The following MEMO1 variants were observed in gnomAD, a reference collection of about 807,000 sequenced individuals.
The protein encoded by MEMO1 is protein MEMO1.
MEMO1 carries 6 observed loss-of-function variants against 45.2 expected under a neutral mutation model. That is an observed-to-expected ratio of 0.13 (90% CI 0.07 to 0.26). MEMO1 has a LOEUF of 0.26. MEMO1 is among the 10% of genes least tolerant of loss of function. MEMO1 has a pLI of 1.00. For missense variants in MEMO1, 184 were observed against 370.5 expected (o/e 0.50, Z 4.13); for synonymous variants, 78 against 124.3 (o/e 0.63, Z 2.48).
intron 6 of MEMO1, among the ~76,000 whole-genome samples, chr2:31,893,054 T>TA (rs1244637502): frequency 9.2e-5 from 14 of 152,256 alleles, no homozygotes; most frequent in East Asian, 5.8e-4. Context: ...AGGACCTTTT[T>TA]AAAAAAATCA....
chr2:31,959,039 G>A (rs1337054789), intron 2 of MEMO1, among the ~76,000 whole-genome samples: 1 of 152,148 alleles, frequency 6.6e-6, no homozygotes, highest in Non-Finnish European at 1.5e-5. Context: ...ATTAAAATGG[G>A]CCTAGATGAA....
At chr2:31,875,970 AGCCACC>A (rs1421809418) in intron 8 of MEMO1, among the ~76,000 whole-genome samples, 2 of 152,122 alleles carry the variant, frequency 1.3e-5, no homozygotes, top group Non-Finnish European at 2.9e-5. Context: ...TACAGGCATG[AGCCACC>A]GCCCCCAGCC....
chr2:31,869,836 A>G lies in MEMO1; in HGVS notation c.762+12T>C, dbSNP rs147848308. On this transcript the variant is annotated intron_variant, in intron 9 of 9. Coordinates refer to ENST00000404530, the MANE Select transcript of MEMO1 (RefSeq NM_001301833.4). Reference sequence around the variant, plus strand: ...CAAATGTTAAAAGTCAAGGCTTCCTAAGGATACTCACATTTAATAACACCC... The same window carrying G: ...CAAATGTTAAAAGTCAAGGCTTCCTGAGGATACTCACATTTAATAACACCC... 184 of 1,569,242 alleles carry G rather than the reference A, an allele frequency of 1.2e-4. 3 individuals carry two copies. The East Asian group carries it at 3.5e-3, about 30-fold the overall frequency.
intron 2 of MEMO1, among the ~76,000 whole-genome samples, chr2:31,994,530 T>C (rs1043154181): frequency 6.6e-6 from 1 of 151,538 alleles, no homozygotes; most frequent in Non-Finnish European, 1.5e-5. Flanking sequence ...CTCAGGAGGC[T>C]GAGGCACAAG....
chr2:31,871,026 ATTAGT>A (rs746050077), intron 8 of MEMO1, among the ~76,000 whole-genome samples: 55 of 152,250 alleles, frequency 3.6e-4, no homozygotes, highest in Non-Finnish European at 7.1e-4. Context: ...TGACTTGAAC[ATTAGT>A]TTACACTAAA....
chr2:31,975,169 T>C (rs748951413), intron 2 of MEMO1, among the ~76,000 whole-genome samples: 29 of 152,040 alleles, frequency 1.9e-4, no homozygotes, highest in Non-Finnish European at 3.5e-4. Context: ...CAAAACTCCA[T>C]CTCAAAAAAA....
At chr2:31,980,671 C>T (rs895341282) in intron 2 of MEMO1, among the ~76,000 whole-genome samples, 3 of 152,014 alleles carry the variant, frequency 2.0e-5, no homozygotes, top group Non-Finnish European at 2.9e-5. Flanking sequence ...GTATTTCAGC[C>T]ATACATTCCC....
At chr2:31,888,271 G>C (rs542636111) in intron 7 of MEMO1, among the ~76,000 whole-genome samples, 8 of 152,056 alleles carry the variant, frequency 5.3e-5, no homozygotes, top group African/African-American at 1.9e-4. Context: ...ACATAGCTAG[G>C]ACTATAGGCA....
intron 6 of MEMO1, among the ~76,000 whole-genome samples, chr2:31,910,856 T>C (rs1375298623): frequency 6.6e-6 from 1 of 151,512 alleles, no homozygotes; most frequent in Non-Finnish European, 1.5e-5. Flanking sequence ...TAAGAGCCCG[T>C]CTCAAAAAAA....
At chr2:31,990,128 T>C (rs2148541090) in intron 2 of MEMO1, among the ~76,000 whole-genome samples, 1 of 152,230 alleles carries the variant, frequency 6.6e-6, no homozygotes, top group South Asian at 2.1e-4. Flanking sequence ...AAAAATTAAA[T>C]AAAATACTCC....
intron 2 of MEMO1, among the ~76,000 whole-genome samples, chr2:31,949,422 A>G (rs746842740): frequency 2.0e-4 from 30 of 152,240 alleles, no homozygotes; most frequent in Admixed American, 9.2e-4. Context: ...GCCATAAAAA[A>G]GAATGAGATC....
At chr2:31,930,657 T>TA (rs1311643735) in intron 4 of MEMO1, among the ~76,000 whole-genome samples, 9 of 151,106 alleles carry the variant, frequency 6.0e-5, no homozygotes, top group South Asian at 2.1e-4. Context: ...TATATATATA[T>TA]TTTTTTTGAA....
In MEMO1 at chr2:31,877,801, T is replaced by C. The variant is rs184513140; in HGVS notation, c.657+5585A>G. On this transcript the variant is annotated intron_variant, in intron 8 of 9. Transcript: ENST00000404530. ...GACTGGGCATTTACATTCTTAAATA[T>C]ATATTTATTATAAATTCCTTTTATT... Among the ~76,000 whole-genome samples, 507 of 152,284 alleles carry C rather than the reference T, an allele frequency of 3.3e-3. 1 individual carries two copies. Among genetic ancestry groups the C allele is most frequent in the Non-Finnish European group, 5.3e-3 (361 of 68,016 alleles).
chr2:31,933,855 GTCTT>G (rs1462744430), intron 3 of MEMO1, among the ~76,000 whole-genome samples: 2 of 152,108 alleles, frequency 1.3e-5, no homozygotes, highest in African/African-American at 4.8e-5. Context: ...AAATTTAGTA[GTCTT>G]TTGGCTCAGC....
chr2:31,964,573 T>C (rs1668391894), intron 2 of MEMO1, among the ~76,000 whole-genome samples: 1 of 152,024 alleles, frequency 6.6e-6, no homozygotes, highest in African/African-American at 2.4e-5. Flanking sequence ...TGGTGGCGCA[T>C]GGCTGTAATC....
At chr2:31,908,394 T>A (rs530082781) in intron 6 of MEMO1, among the ~76,000 whole-genome samples, 7 of 152,140 alleles carry the variant, frequency 4.6e-5, no homozygotes, top group African/African-American at 1.7e-4. Flanking sequence ...AGATTTCCAG[T>A]TTCTAACCTA....
intron 3 of MEMO1, among the ~76,000 whole-genome samples, chr2:31,942,218 A>T (rs182102771): frequency 6.6e-6 from 1 of 152,294 alleles, no homozygotes; most frequent in Non-Finnish European, 1.5e-5. Flanking sequence ...AGACAAAATA[A>T]TCAGATTTTC....
At chr2:31,933,317 TAAAAAAAAAAAAAAAAAAAA>T (rs34487390) in intron 3 of MEMO1, among the ~76,000 whole-genome samples, 2 of 24,110 alleles carry the variant, frequency 8.3e-5, no homozygotes, top group Non-Finnish European at 1.3e-4. Flanking sequence ...ACCACCTCTT[TAAAAAAAAAAAAAAAAAAAA>T]AAAAAAAAAA....
In MEMO1 at chr2:32,007,375, T is replaced by C. The variant is rs546488230; in HGVS notation, c.61+2812A>G. ...GTCCTAAAAGCACATCTCAACTTAC[T>C]TGATATTTATTTGCTGCCCTAAAAG... On this transcript the variant is annotated intron_variant, in intron 2 of 9. Coordinates refer to ENST00000404530, the MANE Select transcript of MEMO1 (RefSeq NM_001301833.4). Among the ~76,000 whole-genome samples the C allele has an allele frequency of 7.9e-5, 12 of 152,314 alleles. No homozygotes were observed. In the South Asian group the frequency reaches 1.7e-3, roughly 21 times the overall value.
Sources: gnomAD v4.1 joint callset for allele counts (sites outside exome capture counted in the v4.1 genomes callset) on GRCh38, gnomAD v4.1.1 for gene constraint, MANE v1.5 for transcripts, NCBI Gene and HGNC (gene_info 2026-07-23, HGNC 2026-07-21) for gene names.